Variants in C22orf15 observed in about 807,000 individuals in gnomAD.
C22orf15 encodes the protein uncharacterized protein C22orf15.
In C22orf15, 21 loss-of-function variants were observed where a neutral mutation model predicts 20.3. The observed-to-expected ratio is 1.04, with a 90% CI of 0.74 to 1.49. The LOEUF is 1.49. Among genes scored for constraint, C22orf15 ranks in the 40% most tolerant of loss-of-function variants. C22orf15 has a pLI of 0.00. For missense variants in C22orf15, 170 were observed against 191.1 expected (o/e 0.89, Z 0.65); for synonymous variants, 78 against 75.4 (o/e 1.03, Z -0.18).
chr22:23,763,719 CCTGTGCGGTAGCG>C (rs1309667932), intron 1 of C22orf15, among the ~76,000 whole-genome samples: 11 of 152,178 alleles, frequency 7.2e-5, no homozygotes, highest in Non-Finnish European at 1.5e-4. Context: ...GCGGGTCGGC[CCTGTGCGGTAGCG>C]GAAGGGAAGA....
Position 23,764,137 on chromosome 22 carries a change from G to A in C22orf15, c.76G>A (p.Ala26Thr), listed in dbSNP as rs1037338074. ...CTCTTGCAGGCTGGTGAACCTCACC[G>A]CCCACCTGAGGCAGAAAGCAGGGTT... ...NTSCRLVNLTAHLRQKAGLPP... is the reference protein window; with the variant it reads ...NTSCRLVNLTTHLRQKAGLPP... The change falls in exon 2 of 6, where the codon GCC (alanine) becomes ACC (threonine). Residue 26 changes from alanine (A) to threonine (T), a missense_variant. By Grantham distance (58) the Ala-to-Thr change is moderately conservative. Transcript: ENST00000402217. 17 of 1,551,470 alleles carry A rather than the reference G, an allele frequency of 1.1e-5. No individual in the cohort carries two copies. In the Admixed American group the frequency reaches 1.8e-4, roughly 16 times the overall value.
chr22:23,763,810 T>C (rs899053691), intron 1 of C22orf15, among the ~76,000 whole-genome samples: 1 of 152,140 alleles, frequency 6.6e-6, no homozygotes, highest in African/African-American at 2.4e-5. Context: ...GGGAGGAGGC[T>C]GGGCTGGCGC....
Position 23,765,713 on chromosome 22 carries a change from C to T in C22orf15, c.436-8C>T. The T allele has an allele frequency of 6.5e-7, 1 of 1,549,436 alleles. No homozygotes were observed. The highest frequency in any genetic ancestry group is 2.0e-5 in the Admixed American group (1 of 50,842). ...CAGATTGCAACAGGGCTCCTCCTCC[C>T]CACCCAGGGCCCTGATTAAGGGGAT... On this transcript the variant is annotated splice_region_variant and splice_polypyrimidine_tract_variant and intron_variant, in intron 5 of 5. Transcript: ENST00000402217.
At chr22:23,765,110 G>A (rs908183313) in intron 5 of C22orf15, 22 of 1,436,340 alleles carry the variant, frequency 1.5e-5, no homozygotes, top group African/African-American at 2.9e-5. Context: ...ACCACCCCAC[G>A]GGAGTGCCAG....
At chr22:23,764,450 G>A (rs776914289) in intron 3 of C22orf15, 53 bp downstream of exon 3, 1 of 1,606,224 alleles carries the variant, frequency 6.2e-7, no homozygotes, top group Non-Finnish European at 8.5e-7. Context: ...TGTAAGAGGG[G>A]GGCATAGCAG....
intron 3 of C22orf15, 77 bp downstream of exon 3, chr22:23,764,474 C>T: frequency 1.9e-6 from 3 of 1,601,414 alleles, no homozygotes; most frequent in Non-Finnish European, 2.6e-6. Context: ...ATAGACCACC[C>T]AAGGCCCTGT....
intron 4 of C22orf15, 29 bp downstream of exon 4, chr22:23,764,742 G>C: frequency 1.9e-6 from 3 of 1,614,182 alleles, no homozygotes; most frequent in Non-Finnish European, 2.5e-6. Context: ...CCCAGGGGGA[G>C]GGCACACCTT....
Position 23,765,814 on chromosome 22 carries a change from G to A in C22orf15, c.*82G>A, listed in dbSNP as rs1056599238. 10 of 1,533,816 alleles carry A rather than the reference G, an allele frequency of 6.5e-6. No individual in the cohort carries two copies. In the African/African-American group the frequency reaches 8.3e-5, roughly 13 times the overall value. The stretch of plus-strand genomic sequence containing the variant: ...GGGAGCTCCCTGAAGACAGGCCATC[G>A]AGAGAGGCACACAACAGGCTGTGGT... On this transcript the variant is annotated 3_prime_UTR_variant, in exon 6 of 6. Coordinates refer to ENST00000402217, the MANE Select transcript of C22orf15 (RefSeq NM_182520.3).
In C22orf15 at chr22:23,763,259, A is replaced by G; in HGVS notation, c.-48A>G. ...ACGCTTTTCCTTAGTTGGGGAATCG[A>G]GAGTTGGGGGATCAAAGCCCCCCAC... is the stretch of plus-strand genomic sequence containing the variant. On this transcript the variant is annotated 5_prime_UTR_variant, in exon 1 of 6. Transcript: ENST00000402217. 3 of 1,549,298 alleles carry G rather than the reference A, an allele frequency of 1.9e-6. No individual in the cohort carries two copies. Among genetic ancestry groups the G allele is most frequent in the Non-Finnish European group, 2.6e-6 (3 of 1,146,230 alleles).
chr22:23,763,913 T>C (rs1926151259), intron 1 of C22orf15, among the ~76,000 whole-genome samples, 174 bp from the exon 2 acceptor site: 1 of 151,828 alleles, frequency 6.6e-6, no homozygotes, highest in African/African-American at 2.4e-5. Flanking sequence ...GGATGGAGGG[T>C]TCTCCAAGGC....
chr22:23,763,420 G>A lies in C22orf15; in HGVS notation c.25+89G>A. The A allele has an allele frequency of 3.5e-6, 5 of 1,425,330 alleles. No individual in the cohort carries two copies. The South Asian group carries it at 5.4e-5, about 15-fold the overall frequency. The allele number at this position is 1,425,330 out of a possible 1,614,324, so 88.3% of individuals were successfully genotyped here. Reference sequence around the variant, plus strand: ...CTTCCGCCCTTGCGGTGGGTGGGGAGGCAATGGCGGGAAAGGGGGGTGGTG... The same window carrying A: ...CTTCCGCCCTTGCGGTGGGTGGGGAAGCAATGGCGGGAAAGGGGGGTGGTG... On this transcript the variant is annotated intron_variant, in intron 1 of 5. Transcript: ENST00000402217.
Position 23,764,839 on chromosome 22 carries a change from G to A in C22orf15, c.372G>A (p.Trp124Ter). 1 of 1,613,948 alleles carries A rather than the reference G, an allele frequency of 6.2e-7. No homozygotes were observed. Among genetic ancestry groups the A allele is most frequent in the East Asian group, 2.2e-5 (1 of 44,876 alleles). ...LSGLSSVGHN[W>*]RKRMGTRRGR... ...GCCTCTCCTCTGTGGGCCACAACTG[G>A]AGGAAGCGTATGGGCACTCGGCGAG... The change falls in exon 5 of 6, where the codon TGG (tryptophan) becomes TGA (stop). Residue 124 changes from tryptophan to a stop codon, truncating the protein, a stop_gained. Coordinates refer to ENST00000402217, the MANE Select transcript of C22orf15 (RefSeq NM_182520.3). LOFTEE classifies it high-confidence loss of function.
chr22:23,764,323 G>A lies in C22orf15; in HGVS notation c.176G>A (p.Gly59Glu), dbSNP rs1388628200. 1 of 1,551,594 alleles carries A rather than the reference G, an allele frequency of 6.4e-7. No homozygotes were observed. Among genetic ancestry groups the A allele is most frequent in the Admixed American group, 2.0e-5 (1 of 51,010 alleles). The change falls in exon 3 of 6, where the codon GGG (glycine) becomes GAG (glutamate). Residue 59 changes from glycine to glutamate, a missense_variant. Transcript: ENST00000402217. The part of the protein sequence containing the change: ...LVSLEEDLKE[G>E]ASRAQTMGNS... Reference sequence around the variant, plus strand: ...AGCCTGGAGGAGGACCTGAAGGAAGGGGCTTCCCGGGCCCAGACCATGGGC... The same window carrying A: ...AGCCTGGAGGAGGACCTGAAGGAAGAGGCTTCCCGGGCCCAGACCATGGGC...
chr22:23,765,773 C>A lies in C22orf15; in HGVS notation c.*41C>A. The stretch of plus-strand genomic sequence containing the variant: ...ACTGTAGTGAGACATCCATCCTGAC[C>A]CCACCTCATCAGCCAGGGAGCTCCC... On this transcript the variant is annotated 3_prime_UTR_variant, in exon 6 of 6. Coordinates refer to ENST00000402217, the MANE Select transcript of C22orf15 (RefSeq NM_182520.3). 10 of 1,548,326 alleles carry A rather than the reference C, an allele frequency of 6.5e-6. No individual in the cohort carries two copies. The highest frequency in any genetic ancestry group is 3.6e-5 in the South Asian group (3 of 83,696).
chr22:23,765,083 C>T, intron 5 of C22orf15, 181 bp downstream of exon 5: 1 of 1,446,640 alleles, frequency 6.9e-7, no homozygotes, highest in Non-Finnish European at 9.0e-7. Flanking sequence ...ACACACTGTA[C>T]CCTGAGACAG....
rs112223389 is a variant in C22orf15 at position 23,764,554 on chromosome 22, A to G, written c.251-85A>G. On this transcript the variant is annotated intron_variant, in intron 3 of 5. Coordinates refer to ENST00000402217, the MANE Select transcript of C22orf15 (RefSeq NM_182520.3). ...ACCCAATGCTCTGCTCCCAGCCTGG[A>G]CTAGCAAACAGTTCCAGAGTGAGAG... 6.4e-6 allele frequency: 10 copies of G among 1,566,502 alleles called. No individual in the cohort carries two copies. In the African/African-American group the frequency reaches 6.8e-5, roughly 11 times the overall value.
intron 3 of C22orf15, 54 bp from the exon 4 acceptor site, chr22:23,764,585 G>T: frequency 6.3e-7 from 1 of 1,593,914 alleles, no homozygotes; most frequent in East Asian, 2.2e-5. Context: ...GAGAGGCAGA[G>T]TAGGGACCAT....
chr22:23,763,857 T>C (rs963700648), intron 1 of C22orf15, among the ~76,000 whole-genome samples: 1 of 152,086 alleles, frequency 6.6e-6, no homozygotes, highest in Non-Finnish European at 1.5e-5. Context: ...AGACCAACAC[T>C]TGGGAGTCAC....
Position 23,762,993 on chromosome 22 carries a change from T to A in C22orf15, c.-314T>A. On this transcript the variant is annotated 5_prime_UTR_variant, in exon 1 of 6. The change abolishes an upstream ATG in the 5' untranslated region. Transcript: ENST00000402217. ...GGGAGGAAGGCATTTCCTGCCTAGA[T>A]GTCTCCGCCCCCACTGCCATGGAGA... The A allele has an allele frequency of 2.4e-6, 1 of 414,168 alleles. No individual in the cohort carries two copies. The highest frequency in any genetic ancestry group is 3.3e-5 in the South Asian group (1 of 30,348). The allele number at this position is 414,168 out of a possible 1,614,324, so 25.7% of individuals were successfully genotyped here. A position where few individuals can be genotyped will look rare whatever the true frequency, so the allele number is the denominator to read the frequency against.
Sources: allele counts gnomAD v4.1 joint callset (sites outside exome capture counted in the v4.1 genomes callset), GRCh38; gene constraint gnomAD v4.1.1; transcripts MANE v1.5; gene names NCBI Gene and HGNC (gene_info 2026-07-23, HGNC 2026-07-21).